The following TMEM204 variants were observed in gnomAD, a reference collection of about 807,000 sequenced individuals.
The protein encoded by TMEM204 is transmembrane protein 204, also known as claudin-like protein 24.
Under a neutral mutation model 19.4 loss-of-function variants are expected in TMEM204, and 15 were observed. The observed-to-expected ratio is 0.77, with a 90% CI of 0.52 to 1.19. The LOEUF (loss-of-function observed/expected upper bound fraction) is 1.19. Among genes scored for constraint, TMEM204 ranks in the 50% most tolerant of loss-of-function variants. The pLI, the probability that TMEM204 is intolerant of heterozygous loss-of-function variation, is 0.00. For missense variants in TMEM204, 287 were observed against 321.2 expected (o/e 0.89, Z 0.81); for synonymous variants, 161 against 146.0 (o/e 1.10, Z -0.74).
At chr16:1,541,360 T>C in intron 1 of TMEM204, 1 of 985,402 alleles carries the variant, frequency 1.0e-6, no homozygotes, top group African/African-American at 1.7e-5. Flanking sequence ...GGGGCCCAGA[T>C]GAGCTGCTTC....
At chr16:1,529,503 G>C (rs1044654219), upstream of TMEM204, among the ~76,000 whole-genome samples, 3 of 152,226 alleles carry the variant, frequency 2.0e-5, no homozygotes, top group Non-Finnish European at 4.4e-5. Flanking sequence ...TGCCCCAGGC[G>C]CAGCGTCCTG....
Position 1,542,634 on chromosome 16 carries a change from G to A in TMEM204, c.436+558G>A, listed in dbSNP as rs149536914. ...GTCAGCGCAGGCCCTTTCCGTGAGC[G>A]GGACAAGACAGAGTGAGAACACGCT... On this transcript the variant is annotated intron_variant, in intron 2 of 2. Coordinates refer to ENST00000566264, the MANE Select transcript of TMEM204 (RefSeq NM_024600.6). Among the ~76,000 whole-genome samples, 28 of 152,382 alleles carry A rather than the reference G, an allele frequency of 1.8e-4. No homozygotes were observed. In the East Asian group the frequency reaches 4.2e-3, roughly 23 times the overall value.
chr16:1,543,208 G>A (rs575441489), intron 2 of TMEM204, among the ~76,000 whole-genome samples: 3 of 152,380 alleles, frequency 2.0e-5, no homozygotes, highest in Admixed American at 6.5e-5. Context: ...TCTCCTCCTC[G>A]AGGCCGGTGC....
At position 1,553,091 on chromosome 16, in the gene TMEM204, A is replaced by G. The variant is rs2032804493; in HGVS notation, c.437-1691A>G. The G allele has an allele frequency of 1.0e-6, 1 of 985,352 alleles. No individual in the cohort carries two copies. Among genetic ancestry groups the G allele is most frequent in the African/African-American group, 1.7e-5 (1 of 57,234 alleles). The allele number at this position is 985,352 out of a possible 1,614,324, so 61.0% of individuals were successfully genotyped here. On this transcript the variant is annotated intron_variant, in intron 2 of 2. Transcript: ENST00000566264. This position sits in a 1 kb window ranked among gnomAD's most constrained non-coding sequence, Gnocchi z 4.4. ...CAAAATGGAGATAGATAAATGCTTA[A>G]TTCATACTTTCTGGAGGGTACAGTG...
intron 2 of TMEM204, among the ~76,000 whole-genome samples, chr16:1,552,281 G>A (rs954140073): frequency 6.6e-6 from 1 of 151,944 alleles, no homozygotes; most frequent in Non-Finnish European, 1.5e-5. Context: ...GGCTTGCATC[G>A]CCCCCCTGCT....
At position 1,555,002 on chromosome 16, in the gene TMEM204, T is replaced by C; in HGVS notation, c.657T>C (p.Asn219=). Residue 219 remains asparagine, a synonymous_variant, in exon 3 of 3, where the codon AAT becomes AAC. Transcript: ENST00000566264. ...CGCGCTTTCGCCGTGGGCTGGACAA[T>C]GACTACGTGGAGTCACCATGCTGAG... ...LTARFRRGLD[N]DYVESPC is the part of the protein sequence containing the mutation. 6.2e-7 allele frequency: 1 copy of C among 1,612,888 alleles called. No individual in the cohort carries two copies. The highest frequency in any genetic ancestry group is 8.5e-7 in the Non-Finnish European group (1 of 1,179,884).
chr16:1,529,797 G>A (rs949460847), upstream of TMEM204, among the ~76,000 whole-genome samples: 3 of 152,206 alleles, frequency 2.0e-5, no homozygotes, highest in South Asian at 2.1e-4. Context: ...CAGCTGCCCC[G>A]TGCTGAGACA....
chr16:1,554,697 A>C, intron 2 of TMEM204, 85 bp from the exon 3 acceptor site: 2 of 1,537,664 alleles, frequency 1.3e-6, no homozygotes, highest in Non-Finnish European at 1.8e-6. Flanking sequence ...GCAGGCTGGA[A>C]CCTGCTCTAG....
chr16:1,528,983 C>CG (rs1463793623), upstream of TMEM204, among the ~76,000 whole-genome samples: 4 of 152,104 alleles, frequency 2.6e-5, no homozygotes, highest in African/African-American at 9.7e-5. Context: ...GCAATGGCTC[C>CG]GAGATGGTAG....
chr16:1,549,906 G>C (rs1389497627), intron 2 of TMEM204, among the ~76,000 whole-genome samples: 1 of 152,190 alleles, frequency 6.6e-6, no homozygotes, highest in Admixed American at 6.5e-5. Flanking sequence ...CCCATGTCCA[G>C]GTTGCGTGTG....
Position 1,541,960 on chromosome 16 carries a change from C to T in TMEM204, c.320C>T (p.Thr107Met), listed in dbSNP as rs747616854. 4.3e-6 allele frequency: 7 copies of T among 1,609,906 alleles called. No individual in the cohort carries two copies. Among genetic ancestry groups the T allele is most frequent in the Middle Eastern group, 1.7e-4 (1 of 6,054 alleles). ...DMMRACNLVA[T>M]AALTAGQLTF... is the part of the protein sequence containing the mutation. ...ATGCGCGCCTGCAACCTGGTGGCCA[C>T]GGCCGCGCTCACCGCAGGCCAGCTC... is the stretch of plus-strand genomic sequence containing the variant. Residue 107 changes from threonine (T) to methionine (M), a missense_variant, in exon 2 of 3, where the codon ACG becomes ATG. Physicochemically the swap from Thr to Met is moderately conservative, Grantham distance 81 (BLOSUM62 -1). Transcript: ENST00000566264.
chr16:1,552,471 G>A (rs1033499405), intron 2 of TMEM204, among the ~76,000 whole-genome samples: 9 of 151,982 alleles, frequency 5.9e-5, no homozygotes, highest in Non-Finnish European at 1.0e-4. Context: ...GCCAGACCCC[G>A]TAAACATGAG....
intron 2 of TMEM204, among the ~76,000 whole-genome samples, 171 bp from the exon 3 acceptor site, chr16:1,554,611 G>A (rs1596355804): frequency 6.6e-6 from 1 of 152,174 alleles, no homozygotes; most frequent in African/African-American, 2.4e-5. Flanking sequence ...GCAGGAACCC[G>A]CTCTAGGACA....
At chr16:1,536,511 G>A (rs1355084910) in intron 1 of TMEM204, among the ~76,000 whole-genome samples, 1 of 152,244 alleles carries the variant, frequency 6.6e-6, no homozygotes, top group African/African-American at 2.4e-5. Context: ...GTGAACCTGA[G>A]CAGCGAAGGT....
intron 1 of TMEM204, among the ~76,000 whole-genome samples, chr16:1,540,554 G>A (rs558437439): frequency 2.0e-5 from 3 of 152,324 alleles, no homozygotes; most frequent in African/African-American, 7.2e-5. Context: ...CTAGAGGCCA[G>A]CACCTTCAGG....
intron 2 of TMEM204, among the ~76,000 whole-genome samples, chr16:1,545,212 G>A (rs1310317161): frequency 3.3e-5 from 5 of 152,184 alleles, no homozygotes; most frequent in Non-Finnish European, 5.9e-5. Context: ...ATGGTGGCGG[G>A]GGCGGGACTG....
rs2033002862 is a variant in TMEM204 at position 1,555,289 on chromosome 16, G to GTGGAAGC, written c.*273_*279dup. On this transcript the variant is annotated 3_prime_UTR_variant, in exon 3 of 3. Transcript: ENST00000566264. ...GCTCCACGACCACACGCACTTCAGG[G>GTGGAAGC]TGGAAGCTGGAAGCTGAGACACAGG... The GTGGAAGC allele has an allele frequency of 2.1e-6, 1 of 470,830 alleles. No individual in the cohort carries two copies. 29.2% of individuals were successfully genotyped at this position (470,830 alleles called of 1,614,324 possible). A position where few individuals can be genotyped will look rare whatever the true frequency, so the allele number is the denominator to read the frequency against.
At chr16:1,552,573 G>A (rs1173094111) in intron 2 of TMEM204, among the ~76,000 whole-genome samples, 4 of 151,792 alleles carry the variant, frequency 2.6e-5, no homozygotes, top group Non-Finnish European at 4.4e-5. Context: ...CCACACAATC[G>A]TGAGCAGAGG....
At chr16:1,544,795 C>T (rs1457466716) in intron 2 of TMEM204, among the ~76,000 whole-genome samples, 4 of 151,086 alleles carry the variant, frequency 2.6e-5, no homozygotes, top group African/African-American at 7.3e-5. Flanking sequence ...ACTACAGGCA[C>T]CCGCCACCAC....
Sources: gnomAD v4.1 joint callset for allele counts (sites outside exome capture counted in the v4.1 genomes callset) on GRCh38, gnomAD v4.1.1 for gene constraint, Gnocchi (gnomAD v3.1) non-coding constraint, MANE v1.5 for transcripts, NCBI Gene and HGNC (gene_info 2026-07-23, HGNC 2026-07-21) for gene names.